TRPS1: variants seen among roughly 807,000 people sequenced by gnomAD.
TRPS1 encodes zinc finger transcription factor Trps1.
In TRPS1, 6 loss-of-function variants were observed where a neutral mutation model predicts 101.2. That is an observed-to-expected ratio of 0.06 (90% CI 0.03 to 0.12). The LOEUF is 0.12. Among genes scored for constraint, TRPS1 ranks in the 10% least tolerant of loss-of-function variants. The probability of loss-of-function intolerance (pLI) is 1.00; values close to 1 mark genes in which losing one functional copy is unlikely to be tolerated. For synonymous variants in TRPS1, 578 were observed against 589.8 expected, an observed-to-expected ratio of 0.98 and a Z score of 0.29; for missense variants, 1,363 against 1,567.0, an observed-to-expected ratio of 0.87 and a Z score of 2.20.
At chr8:115,603,585 CATT>C (rs1817956901) in intron 4 of TRPS1, among the ~76,000 whole-genome samples, 1 of 152,048 alleles carries the variant, frequency 6.6e-6, no homozygotes. Context: ...AACTCATCAG[CATT>C]ATTAGAATCA....
chr8:115,436,159 C>T (rs1813447992), intron 5 of TRPS1, among the ~76,000 whole-genome samples: 1 of 152,080 alleles, frequency 6.6e-6, no homozygotes, highest in Non-Finnish European at 1.5e-5. Flanking sequence ...ATACAACTCA[C>T]ATTGTATGAC....
intron 5 of TRPS1, among the ~76,000 whole-genome samples, chr8:115,468,689 G>A (rs1814387431): frequency 6.6e-6 from 1 of 152,158 alleles, no homozygotes; most frequent in African/African-American, 2.4e-5. Flanking sequence ...CACCAGCACA[G>A]CATTTCGAGA....
rs149494473 is a variant in TRPS1, at chr8:115,495,670, T to C, written c.2701-77218A>G. On this transcript the variant is annotated intron_variant, in intron 5 of 6. Coordinates refer to ENST00000395715, the MANE Select transcript of TRPS1 (RefSeq NM_014112.5). ...AGTTTACCTTTCTAGGTACTAAATA[T>C]CTTTTGCTATCATCTGTTAAAAAAA... Among the ~76,000 whole-genome samples, 806 of 144,364 alleles carry C rather than the reference T, an allele frequency of 5.6e-3. 23 individuals are homozygous for C. Among genetic ancestry groups the C allele is most frequent in the Admixed American group, 0.047 (675 of 14,336 alleles). 94.7% of individuals were successfully genotyped at this position (144,364 alleles called of 152,430 possible). A position where few individuals can be genotyped will look rare whatever the true frequency, so the allele number is the denominator to read the frequency against.
chr8:115,603,894 T>C lies in TRPS1; in HGVS notation c.2075A>G (p.Glu692Gly), dbSNP rs746424421. The stretch of plus-strand genomic sequence containing the variant: ...TCACCTGTAGTGTCGGGAAATCTCT[T>C]CTTCCACTTGGGTAATAAAATCACA... Reference protein sequence around the residue: ...TKCDFITQVEEEISRHYRRAH... With the variant: ...TKCDFITQVEGEISRHYRRAH... The change falls in exon 4 of 7, where the codon GAA (glutamate) becomes GGA (glycine). Residue 692 changes from glutamate (E) to glycine (G), a missense_variant. Physicochemically the swap from Glu to Gly is moderately conservative, Grantham distance 98. This residue lies in a region of TRPS1 where 1,020 missense variants were observed against 1,073.0 expected (regional missense o/e 0.95). Transcript: ENST00000395715. The C allele has an allele frequency of 7.4e-6, 12 of 1,613,998 alleles. 3 individuals carry two copies. The highest frequency in any genetic ancestry group is 1.6e-4 in the Middle Eastern group (1 of 6,062).
chr8:115,529,749 T>A (rs1368406310), intron 5 of TRPS1, among the ~76,000 whole-genome samples: 1 of 152,140 alleles, frequency 6.6e-6, no homozygotes, highest in African/African-American at 2.4e-5. Context: ...ATGCCCACTA[T>A]ATTGAGCAGA....
At chr8:115,548,128 G>T (rs902135537) in intron 5 of TRPS1, among the ~76,000 whole-genome samples, 1 of 151,874 alleles carries the variant, frequency 6.6e-6, no homozygotes, top group Non-Finnish European at 1.5e-5. Context: ...CAGCTACTCA[G>T]GAGGCTAAGG....
At chr8:115,606,807 CAAAAAA>C (rs72238288) in intron 3 of TRPS1, among the ~76,000 whole-genome samples, 2,162 of 123,420 alleles carry the variant, frequency 0.018, 49 homozygotes, top group African/African-American at 0.052. Flanking sequence ...GTTCATTTGC[CAAAAAA>C]AAAAAAAAAA....
chr8:115,526,511 T>C (rs1415766092), intron 5 of TRPS1, among the ~76,000 whole-genome samples: 1 of 152,168 alleles, frequency 6.6e-6, no homozygotes, highest in African/African-American at 2.4e-5. Flanking sequence ...TTTCCAACAA[T>C]ATAATACATC....
chr8:115,581,232 A>C (rs1451511097), intron 5 of TRPS1, among the ~76,000 whole-genome samples: 1 of 152,048 alleles, frequency 6.6e-6, no homozygotes, highest in Non-Finnish European at 1.5e-5. Context: ...CAAAAACGGA[A>C]GAGAAGATAT....
intron 2 of TRPS1, among the ~76,000 whole-genome samples, chr8:115,620,545 T>A (rs1182573063): frequency 6.6e-6 from 1 of 152,208 alleles, no homozygotes; most frequent in African/African-American, 2.4e-5. Context: ...TATGTATACA[T>A]AAATAACATA....
chr8:115,515,223 A>T (rs1355948761), intron 5 of TRPS1: 2 of 697,064 alleles, frequency 2.9e-6, no homozygotes, highest in Admixed American at 4.0e-5. Context: ...GAAGCAATGG[A>T]GATCTGGTTT....
At chr8:115,477,127 TTAAG>T in intron 5 of TRPS1, among the ~76,000 whole-genome samples, 1 of 152,288 alleles carries the variant, frequency 6.6e-6, no homozygotes, top group Non-Finnish European at 1.5e-5. Flanking sequence ...TTTGAATGAA[TTAAG>T]TGAGAAATGT....
Position 115,462,639 on chromosome 8 carries a change from C to CT in TRPS1, c.2701-44188dup, listed in dbSNP as rs1416475046. Reference sequence around the variant, plus strand: ...GTTTTTCTTTTCTCTCTCTCTCTCTCTCTTTTTTTTTTTTTTTTCATCATC... The same window carrying CT: ...GTTTTTCTTTTCTCTCTCTCTCTCTCTTCTTTTTTTTTTTTTTTTCATCATC... On this transcript the variant is annotated intron_variant, in intron 5 of 6. Coordinates refer to ENST00000395715, the MANE Select transcript of TRPS1 (RefSeq NM_014112.5). 6.6e-4 allele frequency among the ~76,000 whole-genome samples: 50 copies of CT among 75,720 alleles called. No homozygotes were observed. In the East Asian group the frequency reaches 6.8e-3, roughly 10 times the overall value. 49.7% of individuals were successfully genotyped at this position (75,720 alleles called of 152,430 possible).
chr8:115,618,803 A>G (rs552308905), intron 3 of TRPS1, among the ~76,000 whole-genome samples: 2 of 152,346 alleles, frequency 1.3e-5, no homozygotes, highest in South Asian at 2.1e-4. Flanking sequence ...GTGCAACCAT[A>G]AAGATTAGTA....
chr8:115,417,274 T>C (rs1812944659), intron 6 of TRPS1, among the ~76,000 whole-genome samples: 1 of 152,174 alleles, frequency 6.6e-6, no homozygotes, highest in South Asian at 2.1e-4. Flanking sequence ...GGGTGGAATC[T>C]TTCTACTTGC....
rs758655788 is a variant in TRPS1, at chr8:115,619,249, C to G, written c.849G>C (p.Met283Ile). The G allele has an allele frequency of 6.2e-7, 1 of 1,613,962 alleles. No homozygotes were observed. The highest frequency in any genetic ancestry group is 1.1e-5 in the South Asian group (1 of 91,082). Residue 283 changes from methionine (M) to isoleucine (I), a missense_variant, in exon 3 of 7, where the codon ATG (methionine) becomes ATC (isoleucine). Transcript: ENST00000395715. ...LDSKILALHN[M>I]VQFSHSKDFQ... is the part of the protein sequence containing the mutation. ...AGTCTTTGGAATGGCTGAACTGCAC[C>G]ATGTTATGAAGGGCCAAGATTTTGC...
In TRPS1 at chr8:115,604,438, T is replaced by C; in HGVS notation, c.1531A>G (p.Thr511Ala). The change falls in exon 4 of 7, where the codon ACA becomes GCA. Residue 511 changes from threonine (T) to alanine (A), a missense_variant. Around this residue, in one of 5 missense-constraint regions of TRPS1, gnomAD observed 1,020 missense variants for 1,073.0 expected, o/e 0.95. Coordinates refer to ENST00000395715, the MANE Select transcript of TRPS1 (RefSeq NM_014112.5). This position sits in a 1 kb window ranked among gnomAD's most constrained non-coding sequence, Gnocchi z 4.1. ...TTAGCCCCACTCGAGCTCTTGTCTG[T>C]CTTGGTCATTGTCTCTCCTTCTGAA... is the stretch of plus-strand genomic sequence containing the variant. ...KSSEGETMTKTDKSSSGAKKK... is the reference protein window; with the variant it reads ...KSSEGETMTKADKSSSGAKKK... 1 of 1,614,096 alleles carries C rather than the reference T, an allele frequency of 6.2e-7. No individual in the cohort carries two copies. The highest frequency in any genetic ancestry group is 8.5e-7 in the Non-Finnish European group (1 of 1,179,988).
intron 5 of TRPS1, among the ~76,000 whole-genome samples, chr8:115,562,261 C>T (rs1188450874): frequency 6.6e-6 from 1 of 151,916 alleles, no homozygotes; most frequent in Non-Finnish European, 1.5e-5. Flanking sequence ...AGACCATTCC[C>T]TTTATTTTGA....
intron 5 of TRPS1, among the ~76,000 whole-genome samples, chr8:115,578,541 C>T (rs998748043): frequency 4.6e-5 from 7 of 151,980 alleles, no homozygotes; most frequent in African/African-American, 1.7e-4. Context: ...TAGGATGTCA[C>T]TATTCCATGG....
Sources: allele counts gnomAD v4.1 joint callset (sites outside exome capture counted in the v4.1 genomes callset), GRCh38; gene constraint gnomAD v4.1.1; regional missense constraint gnomAD v4.1.1; non-coding constraint Gnocchi (gnomAD v3.1); transcripts MANE v1.5; gene names NCBI Gene and HGNC (gene_info 2026-07-23, HGNC 2026-07-21).